Variants in PCMTD1 observed in about 807,000 individuals in gnomAD.
PCMTD1 encodes the protein protein-L-isoaspartate (D-aspartate) O-methyltransferase domain containing 1, also known as protein-L-isoaspartate O-methyltransferase domain-containing protein 1.
Under a neutral mutation model 37.6 loss-of-function variants are expected in PCMTD1, and 12 were observed. The ratio of observed to expected loss-of-function variants is 0.32; its 90% confidence interval spans 0.20 to 0.52. PCMTD1 has a LOEUF of 0.52. Among genes scored for constraint, PCMTD1 ranks in the 20% least tolerant of loss-of-function variants. The pLI is 0.97. For missense variants in PCMTD1, 235 were observed against 421.3 expected, an observed-to-expected ratio of 0.56 and a Z score of 3.87; for synonymous variants, 117 against 135.8, an observed-to-expected ratio of 0.86 and a Z score of 0.96.
chr8:51,843,099 CTG>C (rs1450309013), intron 3 of PCMTD1, among the ~76,000 whole-genome samples: 1 of 151,842 alleles, frequency 6.6e-6, no homozygotes, highest in Non-Finnish European at 1.5e-5. Context: ...TCAAGACAAA[CTG>C]AAAATAATCA....
chr8:51,887,673 A>G (rs774008211), intron 1 of PCMTD1, among the ~76,000 whole-genome samples: 1 of 151,958 alleles, frequency 6.6e-6, no homozygotes, highest in Non-Finnish European at 1.5e-5. Context: ...GTTTAAAATA[A>G]ATTAAAAAAA....
At chr8:51,860,526 A>G (rs570806650) in intron 2 of PCMTD1, 4 of 190,922 alleles carry the variant, frequency 2.1e-5, no homozygotes, top group Admixed American at 1.1e-4. Flanking sequence ...CAAACTTTAT[A>G]TGCCAGAAGA....
intron 1 of PCMTD1, among the ~76,000 whole-genome samples, chr8:51,870,919 C>T (rs550798128): frequency 2.0e-5 from 3 of 152,132 alleles, no homozygotes; most frequent in Non-Finnish European, 4.4e-5. Flanking sequence ...ATTGGTCGTG[C>T]AGCCTCAGGC....
At chr8:51,854,215 C>T (rs2038349324) in intron 2 of PCMTD1, among the ~76,000 whole-genome samples, 1 of 152,080 alleles carries the variant, frequency 6.6e-6, no homozygotes, top group Non-Finnish European at 1.5e-5. Flanking sequence ...CCTGTATTGA[C>T]TTCTAATATT....
At chr8:51,844,261 G>GTT (rs2038186838) in intron 3 of PCMTD1, among the ~76,000 whole-genome samples, 1 of 152,242 alleles carries the variant, frequency 6.6e-6, no homozygotes, top group African/African-American at 2.4e-5. Flanking sequence ...AACCAACACA[G>GTT]TAAGCCTTGA....
intron 5 of PCMTD1, among the ~76,000 whole-genome samples, chr8:51,822,052 G>A (rs2037856706): frequency 6.6e-6 from 1 of 152,128 alleles, no homozygotes; most frequent in Admixed American, 6.5e-5. Flanking sequence ...CTTTCTATTG[G>A]GTGGTCATAA....
intron 1 of PCMTD1, among the ~76,000 whole-genome samples, chr8:51,897,146 G>A (rs929663443): frequency 2.6e-5 from 4 of 152,128 alleles, no homozygotes; most frequent in African/African-American, 9.7e-5. Context: ...ATCTTCCTCA[G>A]TTGTTCTTTC....
chr8:51,891,863 G>A (rs1007079796), intron 1 of PCMTD1, among the ~76,000 whole-genome samples: 4 of 150,596 alleles, frequency 2.7e-5, no homozygotes, highest in African/African-American at 9.7e-5. Context: ...TAATTACCTG[G>A]TATCCCACCA....
intron 1 of PCMTD1, among the ~76,000 whole-genome samples, chr8:51,890,192 AAAG>A (rs1271086814): frequency 6.6e-6 from 1 of 152,170 alleles, no homozygotes; most frequent in Non-Finnish European, 1.5e-5. Context: ...CTGGTTCATA[AAAG>A]AATAAAGGTT....
intron 1 of PCMTD1, among the ~76,000 whole-genome samples, chr8:51,867,394 T>C (rs1402092255): frequency 6.6e-6 from 1 of 151,866 alleles, no homozygotes; most frequent in Non-Finnish European, 1.5e-5. Context: ...TGCATTCCCA[T>C]GTTCACTGCA....
intron 2 of PCMTD1, among the ~76,000 whole-genome samples, chr8:51,851,763 C>A (rs1288150789): frequency 6.6e-6 from 1 of 151,770 alleles, no homozygotes; most frequent in Non-Finnish European, 1.5e-5. Flanking sequence ...TCAAGTGATT[C>A]TCCTGCCTCA....
Position 51,899,023 on chromosome 8 carries a change from C to T in PCMTD1, c.-189G>A, listed in dbSNP as rs1399604677. ...GCTACCACCACAATAACAACACGGA[C>T]GCCACCGCCGAGTGGAGAGGCGGGG... is the stretch of plus-strand genomic sequence containing the variant. On this transcript the variant is annotated 5_prime_UTR_variant, in exon 1 of 6. Coordinates refer to ENST00000522514, the MANE Select transcript of PCMTD1 (RefSeq NM_052937.4). 3.3e-6 allele frequency: 5 copies of T among 1,512,130 alleles called. No homozygotes were observed. Among genetic ancestry groups the T allele is most frequent in the Admixed American group, 2.1e-5 (1 of 48,206 alleles). The allele number at this position is 1,512,130 out of a possible 1,614,324, so 93.7% of individuals were successfully genotyped here.
chr8:51,861,305 T>C, intron 1 of PCMTD1, 59 bp from the exon 2 acceptor site: 1 of 1,220,592 alleles, frequency 8.2e-7, no homozygotes, highest in Non-Finnish European at 1.1e-6. Context: ...CAAAATAACT[T>C]GTTTATTAAA....
chr8:51,871,238 T>C (rs1221221553), intron 1 of PCMTD1, among the ~76,000 whole-genome samples: 1 of 152,154 alleles, frequency 6.6e-6, no homozygotes, highest in Non-Finnish European at 1.5e-5. Context: ...GAGAGGTGTC[T>C]AAAAGAAAAA....
chr8:51,824,284 A>G (rs1054095025), intron 5 of PCMTD1, among the ~76,000 whole-genome samples: 3 of 152,208 alleles, frequency 2.0e-5, no homozygotes, highest in African/African-American at 4.8e-5. Context: ...ACATGATTGT[A>G]TATTTAGAAA....
chr8:51,854,056 T>C (rs1375859316), intron 2 of PCMTD1, among the ~76,000 whole-genome samples: 2 of 152,220 alleles, frequency 1.3e-5, no homozygotes, highest in South Asian at 2.1e-4. Context: ...ACAATCTTGG[T>C]TGGGAAACAG....
Position 51,877,073 on chromosome 8 carries a change from T to C in PCMTD1, c.-95-15827A>G, listed in dbSNP as rs551203990. Among the ~76,000 whole-genome samples, 4 of 152,338 alleles carry C rather than the reference T, an allele frequency of 2.6e-5. No individual in the cohort carries two copies. The South Asian group carries it at 8.3e-4, about 32-fold the overall frequency. On this transcript the variant is annotated intron_variant, in intron 1 of 5. Coordinates refer to ENST00000522514, the MANE Select transcript of PCMTD1 (RefSeq NM_052937.4). ...TAACTTCACCAACATTGGGCCTGTA[T>C]GAAATGCTTGCTTCTTGGTGCCGTT...
Position 51,818,798 on chromosome 8 carries a change from T to C in PCMTD1, c.*1553A>G, listed in dbSNP as rs1386559887. 2.6e-5 allele frequency: 4 copies of C among 152,314 alleles called. No individual in the cohort carries two copies. Among genetic ancestry groups the C allele is most frequent in the African/African-American group, 9.6e-5 (4 of 41,484 alleles). The allele number at this position is 152,314 out of a possible 1,614,324, so 9.4% of individuals were successfully genotyped here. On this transcript the variant is annotated 3_prime_UTR_variant, in exon 6 of 6. Coordinates refer to ENST00000522514, the MANE Select transcript of PCMTD1 (RefSeq NM_052937.4). The stretch of plus-strand genomic sequence containing the variant: ...GATCACAAACATTTGTTTTTAGATG[T>C]TGTGGAATTACTGGAGCTGAGATTT...
intron 3 of PCMTD1, among the ~76,000 whole-genome samples, chr8:51,837,689 T>C (rs1354156262): frequency 6.6e-6 from 1 of 152,220 alleles, no homozygotes; most frequent in Non-Finnish European, 1.5e-5. Context: ...AAAGTACTTA[T>C]AATATGAACT....
Sources: allele counts gnomAD v4.1 joint callset (sites outside exome capture counted in the v4.1 genomes callset), GRCh38; gene constraint gnomAD v4.1.1; transcripts MANE v1.5; gene names NCBI Gene and HGNC (gene_info 2026-07-23, HGNC 2026-07-21).